RBFOX1: variants seen among roughly 807,000 people sequenced by gnomAD.
RBFOX1 encodes the protein RNA binding fox-1 homolog 1.
RBFOX1 carries 8 observed loss-of-function variants against 57.7 expected under a neutral mutation model. The observed-to-expected ratio is 0.14, with a 90% CI of 0.08 to 0.25. The LOEUF is 0.25. Among genes scored for constraint, RBFOX1 ranks in the 10% least tolerant of loss-of-function variants. The pLI, the probability that RBFOX1 is intolerant of heterozygous loss-of-function variation, is 1.00. For missense variants in RBFOX1, 611 were observed against 548.5 expected, an observed-to-expected ratio of 1.11 and a Z score of -1.14; for synonymous variants, 326 against 222.4, an observed-to-expected ratio of 1.47 and a Z score of -4.15.
intron 4 of RBFOX1, among the ~76,000 whole-genome samples, chr16:5,982,533 C>T (rs560638463): frequency 6.6e-6 from 1 of 152,330 alleles, no homozygotes; most frequent in East Asian, 1.9e-4. Flanking sequence ...TCCCCAGCCT[C>T]CCAAAGTGCT....
intron 1 of RBFOX1, among the ~76,000 whole-genome samples, chr16:5,447,647 C>T (rs1257767226): frequency 6.6e-6 from 1 of 152,234 alleles, no homozygotes; most frequent in Non-Finnish European, 1.5e-5. Context: ...CTGCCCGCCT[C>T]AGCCTCCCAG....
chr16:6,461,625 A>G (rs1320517580), intron 2 of RBFOX1, among the ~76,000 whole-genome samples: 1 of 152,180 alleles, frequency 6.6e-6, no homozygotes, highest in African/African-American at 2.4e-5. Flanking sequence ...TTTTTGTTCA[A>G]ACTAAGAATG....
intron 1 of RBFOX1, among the ~76,000 whole-genome samples, chr16:6,225,473 G>A (rs1471889442): frequency 6.6e-6 from 1 of 152,134 alleles, no homozygotes; most frequent in Non-Finnish European, 1.5e-5. Flanking sequence ...AATGATGTCA[G>A]TAATATATGT....
At chr16:6,932,034 G>A (rs1390418000) in intron 3 of RBFOX1, among the ~76,000 whole-genome samples, 2 of 152,248 alleles carry the variant, frequency 1.3e-5, no homozygotes, top group African/African-American at 2.4e-5. Flanking sequence ...CTAACCTCCT[G>A]CAACAATCCA....
intron 2 of RBFOX1, among the ~76,000 whole-genome samples, chr16:6,472,510 A>G (rs1175920420): frequency 6.6e-6 from 1 of 152,156 alleles, no homozygotes; most frequent in East Asian, 1.9e-4. Context: ...GGGAGGTGAC[A>G]TACTGCTGAC....
intron 3 of RBFOX1, among the ~76,000 whole-genome samples, chr16:6,892,164 C>G (rs184363482): frequency 1.3e-5 from 2 of 152,248 alleles, no homozygotes; most frequent in East Asian, 3.9e-4. Flanking sequence ...TCTTTGCACC[C>G]CTTCCCTTGG....
At chr16:7,702,901 T>C (rs1414995908) in intron 14 of RBFOX1, among the ~76,000 whole-genome samples, 1 of 152,210 alleles carries the variant, frequency 6.6e-6, no homozygotes, top group Non-Finnish European at 1.5e-5. Context: ...TGAAATAGGA[T>C]GAATATCTGA....
At chr16:7,568,026 G>T (rs2092308960) in intron 5 of RBFOX1, among the ~76,000 whole-genome samples, 1 of 151,892 alleles carries the variant, frequency 6.6e-6, no homozygotes, top group South Asian at 2.1e-4. Context: ...TTGAAACTTA[G>T]TTGACTCAAT....
chr16:5,495,057 A>G (rs932650187), intron 2 of RBFOX1, among the ~76,000 whole-genome samples: 1 of 152,186 alleles, frequency 6.6e-6, no homozygotes, highest in Non-Finnish European at 1.5e-5. Context: ...TGGGTAATTT[A>G]TGGAGGAAAG....
intron 4 of RBFOX1, among the ~76,000 whole-genome samples, chr16:7,208,630 G>C (rs1320296580): frequency 6.6e-6 from 1 of 152,098 alleles, no homozygotes; most frequent in Non-Finnish European, 1.5e-5. Flanking sequence ...CAGGGTAAGA[G>C]TTTCAGAGCA....
intron 3 of RBFOX1, among the ~76,000 whole-genome samples, chr16:6,757,674 C>A (rs897103918): frequency 6.6e-6 from 1 of 152,008 alleles, no homozygotes; most frequent in Non-Finnish European, 1.5e-5. Context: ...TGAGGGGAGG[C>A]TGATTAATAA....
At chr16:6,679,576 T>C (rs9933363) in intron 3 of RBFOX1, among the ~76,000 whole-genome samples, 102,285 of 151,952 alleles carry the variant, frequency 0.67, 36,420 homozygotes, top group East Asian at 0.81. Context: ...GGAGGTAGCC[T>C]CATTATCTTT....
rs138035202 is a variant in RBFOX1 at position 6,151,960 on chromosome 16, C to A, written c.-127+131968C>A. 1.7e-3 allele frequency among the ~76,000 whole-genome samples: 263 copies of A among 152,310 alleles called. 1 individual carries two copies. Among genetic ancestry groups the A allele is most frequent in the African/African-American group, 5.7e-3 (235 of 41,574 alleles). On this transcript the variant is annotated intron_variant, in intron 1 of 15. Coordinates refer to ENST00000550418, the MANE Select transcript of RBFOX1 (RefSeq NM_018723.4). Reference sequence around the variant, plus strand: ...AGAAAAGAAAAAGCTTTAATATAGACAACTCAATAGCTGAACTACTCTTGC... The same window carrying A: ...AGAAAAGAAAAAGCTTTAATATAGAAAACTCAATAGCTGAACTACTCTTGC...
intron 3 of RBFOX1, among the ~76,000 whole-genome samples, chr16:6,843,359 T>G (rs1426103250): frequency 2.0e-5 from 3 of 151,830 alleles, no homozygotes; most frequent in African/African-American, 4.8e-5. Flanking sequence ...AAAAAAAAAT[T>G]CCTTACTTTT....
intron 3 of RBFOX1, among the ~76,000 whole-genome samples, chr16:6,780,239 ATT>A (rs1365095742): frequency 1.5e-5 from 1 of 68,736 alleles, no homozygotes; most frequent in Non-Finnish European, 2.3e-5. Flanking sequence ...ATTTATATAT[ATT>A]TACATATATA....
chr16:5,265,867 C>T (rs1372803140), intron 1 of RBFOX1, among the ~76,000 whole-genome samples: 1 of 152,104 alleles, frequency 6.6e-6, no homozygotes, highest in Admixed American at 6.5e-5. Context: ...GGGTGGATGT[C>T]TGCATGTAAA....
intron 1 of RBFOX1, among the ~76,000 whole-genome samples, chr16:6,044,703 C>A (rs1347972259): frequency 6.6e-6 from 1 of 152,104 alleles, no homozygotes; most frequent in Non-Finnish European, 1.5e-5. Context: ...TATATAATGG[C>A]CTTCTGTGCA....
intron 2 of RBFOX1, among the ~76,000 whole-genome samples, chr16:6,526,801 C>G (rs76913012): frequency 0.027 from 3,654 of 134,652 alleles, 148 homozygotes; most frequent in African/African-American, 0.098. Flanking sequence ...CCACACTCCA[C>G]CCTTGGCAAC....
intron 2 of RBFOX1, among the ~76,000 whole-genome samples, chr16:5,511,797 G>A (rs917792086): frequency 5.9e-5 from 9 of 152,166 alleles, no homozygotes; most frequent in African/African-American, 1.9e-4. Context: ...ATGTAACTAT[G>A]TCCCCAAAGT....
Sources: allele counts gnomAD v4.1 joint callset (sites outside exome capture counted in the v4.1 genomes callset), GRCh38; gene constraint gnomAD v4.1.1; transcripts MANE v1.5; gene names NCBI Gene and HGNC (gene_info 2026-07-23, HGNC 2026-07-21).